Variants in RYR2 observed in about 807,000 individuals in gnomAD.
RYR2 encodes cardiac muscle ryanodine receptor-calcium release channel.
In RYR2, 227 loss-of-function variants were observed where a neutral mutation model predicts 601.1. That is an observed-to-expected ratio of 0.38 (90% confidence interval 0.34 to 0.42). RYR2 has a LOEUF of 0.42. RYR2 is among the 10% of genes least tolerant of loss of function. The probability of loss-of-function intolerance (pLI) is 1.00; values close to 1 mark genes in which losing one functional copy is unlikely to be tolerated. For synonymous variants in RYR2, 2,223 were observed against 2,175.1 expected, an observed-to-expected ratio of 1.02 and a Z score of -0.61; for missense variants, 4,646 against 6,156.5, an observed-to-expected ratio of 0.75 and a Z score of 8.21.
Position 237,614,754 on chromosome 1 carries a change from C to A in RYR2, c.5626C>A (p.Gln1876Lys). Residue 1876 changes from glutamine (Q) to lysine (K), a missense_variant, in exon 37 of 105, where the codon CAA (glutamine) becomes AAA (lysine). Physicochemically the swap from Gln to Lys is moderately conservative, Grantham distance 53. Coordinates refer to ENST00000366574, the MANE Select transcript of RYR2 (RefSeq NM_001035.3). The surrounding 1 kb of genome is among the most constrained non-coding windows in gnomAD (Gnocchi z 4.3). ...GCTCAGTGTGGACGATGCAAAGCTGCAAGGAGCTGGTGAGGAAGAAGCCAA... is the reference window on the plus strand; with the variant it reads ...GCTCAGTGTGGACGATGCAAAGCTGAAAGGAGCTGGTGAGGAAGAAGCCAA... Reference protein sequence around the residue: ...KELSVDDAKLQGAGEEEAKGG... With the variant: ...KELSVDDAKLKGAGEEEAKGG... 1 of 1,613,588 alleles carries A rather than the reference C, an allele frequency of 6.2e-7. No individual in the cohort carries two copies. Among genetic ancestry groups the A allele is most frequent in the Non-Finnish European group, 8.5e-7 (1 of 1,179,570 alleles).
At chr1:237,367,412 C>T (rs1700287771) in intron 5 of RYR2, among the ~76,000 whole-genome samples, 1 of 152,036 alleles carries the variant, frequency 6.6e-6, no homozygotes, top group Admixed American at 6.6e-5. Context: ...AGTGGTTTTT[C>T]AGCAGTTTTT....
At position 237,298,382 on chromosome 1, in the gene RYR2, A is replaced by G. The variant is rs552610566; in HGVS notation, c.168+27766A>G. Among the ~76,000 whole-genome samples, 7 of 152,322 alleles carry G rather than the reference A, an allele frequency of 4.6e-5. No individual in the cohort carries two copies. The East Asian group carries it at 7.7e-4, about 17-fold the overall frequency. ...TATATCCAAAATTATTTATCAGCAT[A>G]TAGATTTTTAAAATCAGATTATCAA... On this transcript the variant is annotated intron_variant, in intron 2 of 104. Coordinates refer to ENST00000366574, the MANE Select transcript of RYR2 (RefSeq NM_001035.3).
At chr1:237,487,464 T>C (rs1303439523) in intron 17 of RYR2, among the ~76,000 whole-genome samples, 1 of 151,300 alleles carries the variant, frequency 6.6e-6, no homozygotes, top group African/African-American at 2.4e-5. Context: ...GCAACTATAA[T>C]TTCAGCACTT....
rs1230616298 is a variant in RYR2, at chr1:237,678,109, A to T, written c.8892A>T (p.Ala2964=). The part of the protein sequence containing the change: ...FPYEQEIKFF[A]KVVLPLIDQY... The stretch of plus-strand genomic sequence containing the variant: ...ATGAACAAGAAATCAAGTTCTTTGC[A>T]AAAGTACAGTATACAATCTATCTTG... Residue 2964 remains alanine, a synonymous_variant, in exon 61 of 105, where the codon GCA becomes GCT. Coordinates refer to ENST00000366574, the MANE Select transcript of RYR2 (RefSeq NM_001035.3). The T allele has an allele frequency of 1.3e-6, 2 of 1,565,014 alleles. No individual in the cohort carries two copies. The highest frequency in any genetic ancestry group is 1.8e-6 in the Non-Finnish European group (2 of 1,137,760).
rs371680410 is a variant in RYR2, at chr1:237,784,709, A to G, written c.12997A>G (p.Asn4333Asp). 3 of 1,607,996 alleles carry G rather than the reference A, an allele frequency of 1.9e-6. No individual in the cohort carries two copies. Among genetic ancestry groups the G allele is most frequent in the Middle Eastern group, 1.7e-4 (1 of 6,024 alleles). ...KKIKVAELLA[N>D]MPDPTQDEVR... The stretch of plus-strand genomic sequence containing the variant: ...GATCAAAGTTGCAGAACTGTTAGCC[A>G]ACATGCCAGACCCCACTCAGGATGA... Residue 4333 changes from asparagine (N) to aspartate (D), a missense_variant, in exon 90 of 105, where the codon AAC becomes GAC. Asn to Asp is a conservative substitution (Grantham distance 23). Transcript: ENST00000366574. This position sits in a 1 kb window ranked among gnomAD's most constrained non-coding sequence, Gnocchi z 7.1.
intron 12 of RYR2, among the ~76,000 whole-genome samples, chr1:237,437,808 A>G (rs1248481947): frequency 6.6e-6 from 1 of 152,220 alleles, no homozygotes; most frequent in Admixed American, 6.5e-5. Context: ...TAAGGTCTCA[A>G]GATTATTCTT....
At chr1:237,715,946 A>G (rs1275033129) in intron 71 of RYR2, among the ~76,000 whole-genome samples, 1 of 152,102 alleles carries the variant, frequency 6.6e-6, no homozygotes, top group East Asian at 1.9e-4. Flanking sequence ...TAACAGTACA[A>G]ATTATTCATC....
intron 100 of RYR2, among the ~76,000 whole-genome samples, chr1:237,809,736 C>T (rs993138317): frequency 2.0e-5 from 3 of 151,956 alleles, no homozygotes; most frequent in African/African-American, 7.3e-5. Context: ...TATAATGATA[C>T]ATAAATTACT....
chr1:237,148,577 T>TATAC (rs1464579621), intron 1 of RYR2, among the ~76,000 whole-genome samples: 2 of 129,902 alleles, frequency 1.5e-5, no homozygotes, highest in African/African-American at 6.5e-5. Context: ...TATATATATA[T>TATAC]ACACACACAT....
intron 1 of RYR2, among the ~76,000 whole-genome samples, chr1:237,248,006 G>A (rs928548234): frequency 3.3e-5 from 5 of 152,112 alleles, no homozygotes; most frequent in Non-Finnish European, 5.9e-5. Context: ...GGGCACGGTG[G>A]CTTATGCCTA....
At chr1:237,726,836 T>A (rs566474530) in intron 75 of RYR2, among the ~76,000 whole-genome samples, 1 of 152,126 alleles carries the variant, frequency 6.6e-6, no homozygotes, top group Non-Finnish European at 1.5e-5. Flanking sequence ...ATTGGGAAAA[T>A]GTGATATTCT....
chr1:237,061,550 G>A (rs978747743), intron 1 of RYR2, among the ~76,000 whole-genome samples: 1 of 152,146 alleles, frequency 6.6e-6, no homozygotes, highest in African/African-American at 2.4e-5. Context: ...GGCTTCAAGT[G>A]CTCCTTCCAA....
intron 1 of RYR2, among the ~76,000 whole-genome samples, chr1:237,084,644 C>T (rs1666104293): frequency 6.6e-6 from 1 of 152,224 alleles, no homozygotes; most frequent in Non-Finnish European, 1.5e-5. Context: ...CTTTCATCAT[C>T]CCTCCTCCCA....
intron 4 of RYR2, among the ~76,000 whole-genome samples, chr1:237,361,122 A>T (rs1486534113): frequency 2.0e-5 from 3 of 152,336 alleles, no homozygotes; most frequent in South Asian, 2.1e-4. Flanking sequence ...GATTACAGGC[A>T]TGAGCCACTG....
intron 1 of RYR2, among the ~76,000 whole-genome samples, chr1:237,233,419 A>C (rs1201271912): frequency 2.0e-5 from 3 of 152,132 alleles, no homozygotes; most frequent in Non-Finnish European, 4.4e-5. Context: ...GAGAGGAGAC[A>C]TTTATGATGT....
intron 1 of RYR2, among the ~76,000 whole-genome samples, chr1:237,254,934 A>G (rs764133251): frequency 3.3e-5 from 5 of 152,064 alleles, no homozygotes; most frequent in South Asian, 2.1e-4. Flanking sequence ...GCATGTCTCA[A>G]TGTTTGATTT....
intron 1 of RYR2, among the ~76,000 whole-genome samples, chr1:237,243,203 C>A (rs539938182): frequency 2.0e-5 from 3 of 152,068 alleles, no homozygotes; most frequent in Non-Finnish European, 4.4e-5. Flanking sequence ...TCTTCCAATT[C>A]AGTTTCACAC....
intron 2 of RYR2, among the ~76,000 whole-genome samples, chr1:237,313,206 G>A (rs1694749096): frequency 6.7e-6 from 1 of 149,968 alleles, no homozygotes; most frequent in South Asian, 2.1e-4. Context: ...GCAAATGTGT[G>A]TTCAAATATT....
At chr1:237,048,961 G>A (rs1660922762) in intron 1 of RYR2, among the ~76,000 whole-genome samples, 1 of 152,206 alleles carries the variant, frequency 6.6e-6, no homozygotes, top group Non-Finnish European at 1.5e-5. Context: ...TAGTGGGGGT[G>A]GAAGAATAGA....
Sources: allele counts gnomAD v4.1 joint callset (sites outside exome capture counted in the v4.1 genomes callset), GRCh38; gene constraint gnomAD v4.1.1; non-coding constraint Gnocchi (gnomAD v3.1); transcripts MANE v1.5; gene names NCBI Gene and HGNC (gene_info 2026-07-23, HGNC 2026-07-21).